KIAA1328: variants seen among roughly 807,000 people sequenced by gnomAD.
KIAA1328 encodes protein hinderin.
KIAA1328 carries 52 observed loss-of-function variants against 68.1 expected under a neutral mutation model. The ratio of observed to expected loss-of-function variants is 0.76; its 90% CI spans 0.61 to 0.96. The LOEUF (loss-of-function observed/expected upper bound fraction) is 0.96, where lower values mean the gene tolerates loss of function less well. Ranked by LOEUF, KIAA1328 falls within the 40% of genes least tolerant of loss-of-function variation. KIAA1328 has a pLI of 0.00. For missense variants in KIAA1328, 641 were observed against 677.6 expected, an observed-to-expected ratio of 0.95 and a Z score of 0.60; for synonymous variants, 232 against 239.4, an observed-to-expected ratio of 0.97 and a Z score of 0.28.
intron 6 of KIAA1328, among the ~76,000 whole-genome samples, chr18:36,970,587 A>T (rs976019082): frequency 1.3e-5 from 2 of 152,230 alleles, no homozygotes; most frequent in African/African-American, 4.8e-5. Context: ...CCTTAAGCTG[A>T]TAAGCAACTT....
intron 6 of KIAA1328, among the ~76,000 whole-genome samples, chr18:37,015,215 A>G (rs1415030955): frequency 1.3e-5 from 2 of 152,168 alleles, no homozygotes; most frequent in Admixed American, 6.5e-5. Context: ...GTTCTTCTCC[A>G]TATGGCTAGT....
chr18:37,165,909 A>G (rs1324559940), intron 8 of KIAA1328, among the ~76,000 whole-genome samples: 1 of 152,138 alleles, frequency 6.6e-6, no homozygotes, highest in Admixed American at 6.5e-5. Flanking sequence ...TAGTTTGCTG[A>G]AAGTCTTTGT....
intron 5 of KIAA1328, among the ~76,000 whole-genome samples, chr18:36,940,674 C>CTTT (rs1272164052): frequency 4.7e-5 from 6 of 127,692 alleles, no homozygotes; most frequent in African/African-American, 1.1e-4. Flanking sequence ...GCTCATTTTA[C>CTTT]TTTTTTTTTT....
intron 5 of KIAA1328, among the ~76,000 whole-genome samples, chr18:36,936,900 A>T (rs557845068): frequency 1.3e-5 from 2 of 152,238 alleles, no homozygotes; most frequent in Admixed American, 6.5e-5. Context: ...TATAGCCAAG[A>T]TAATCCTAAG....
At chr18:37,113,115 C>T (rs2057986326) in intron 7 of KIAA1328, among the ~76,000 whole-genome samples, 2 of 152,148 alleles carry the variant, frequency 1.3e-5, no homozygotes, top group African/African-American at 4.8e-5. Flanking sequence ...ACTTCCCCAA[C>T]CTAGCAAGGC....
At chr18:37,068,204 C>T (rs891180380) in intron 7 of KIAA1328, among the ~76,000 whole-genome samples, 29 of 152,080 alleles carry the variant, frequency 1.9e-4, no homozygotes, top group African/African-American at 7.0e-4. Context: ...CTTGAGATTT[C>T]GGGGTGTGGA....
chr18:36,864,753 A>C (rs1346832686), intron 4 of KIAA1328, among the ~76,000 whole-genome samples: 1 of 152,040 alleles, frequency 6.6e-6, no homozygotes, highest in Non-Finnish European at 1.5e-5. Context: ...TTAGAGAGTT[A>C]ATATAACTTT....
At chr18:37,218,496 C>CA (rs1042592199) in intron 9 of KIAA1328, among the ~76,000 whole-genome samples, 1 of 151,808 alleles carries the variant, frequency 6.6e-6, no homozygotes, top group Non-Finnish European at 1.5e-5. Context: ...ATTAAGGAGA[C>CA]AAAAAAAGGA....
chr18:37,001,674 C>T (rs2053590040), intron 6 of KIAA1328, among the ~76,000 whole-genome samples: 1 of 151,904 alleles, frequency 6.6e-6, no homozygotes, highest in African/African-American at 2.4e-5. Context: ...CATGAGATTA[C>T]ACAAGGGATG....
intron 6 of KIAA1328, among the ~76,000 whole-genome samples, chr18:36,971,409 C>T (rs2052204036): frequency 1.3e-5 from 2 of 152,112 alleles, no homozygotes; most frequent in Admixed American, 6.5e-5. Context: ...GTCAGTGGAT[C>T]ACCTGAGGTT....
chr18:37,095,224 C>T (rs1378927139), intron 7 of KIAA1328, among the ~76,000 whole-genome samples: 1 of 152,132 alleles, frequency 6.6e-6, no homozygotes, highest in Non-Finnish European at 1.5e-5. Flanking sequence ...CACTATAAAC[C>T]ATATGGACAT....
At chr18:37,177,056 A>G (rs1338907038) in intron 9 of KIAA1328, among the ~76,000 whole-genome samples, 1 of 152,248 alleles carries the variant, frequency 6.6e-6, no homozygotes, top group East Asian at 1.9e-4. Flanking sequence ...TACTTGATGT[A>G]TGCCAATTTA....
chr18:36,961,995 C>A (rs1437520726), intron 6 of KIAA1328, among the ~76,000 whole-genome samples: 1 of 152,102 alleles, frequency 6.6e-6, no homozygotes, highest in Non-Finnish European at 1.5e-5. Context: ...GGGCTAAATG[C>A]CCCAGTTAAA....
chr18:36,833,890 A>C (rs1357356633), intron 1 of KIAA1328, among the ~76,000 whole-genome samples: 1 of 152,164 alleles, frequency 6.6e-6, no homozygotes, highest in African/African-American at 2.4e-5. Flanking sequence ...TTCAAAGCTA[A>C]AGTCTATCTT....
intron 7 of KIAA1328, among the ~76,000 whole-genome samples, chr18:37,096,593 A>G (rs538294093): frequency 3.3e-5 from 5 of 152,194 alleles, no homozygotes; most frequent in Non-Finnish European, 7.3e-5. Context: ...GTATATACCC[A>G]GTAATGGGAT....
intron 9 of KIAA1328, among the ~76,000 whole-genome samples, chr18:37,193,119 G>T (rs532016756): frequency 3.3e-5 from 5 of 152,226 alleles, no homozygotes; most frequent in Admixed American, 6.5e-5. Context: ...AACCTTGATT[G>T]GTGGGCATTG....
At chr18:37,069,967 A>G (rs1045052812) in intron 7 of KIAA1328, among the ~76,000 whole-genome samples, 31 of 152,056 alleles carry the variant, frequency 2.0e-4, no homozygotes, top group African/African-American at 6.3e-4. Flanking sequence ...AGTGCTCTAA[A>G]TTCCCTTCTC....
intron 5 of KIAA1328, among the ~76,000 whole-genome samples, chr18:36,958,991 G>A (rs572053252): frequency 1.3e-5 from 2 of 151,380 alleles, no homozygotes; most frequent in East Asian, 3.9e-4. Context: ...TTTTCAGCTT[G>A]TTTTGTTTTT....
intron 7 of KIAA1328, among the ~76,000 whole-genome samples, chr18:37,091,358 G>C (rs1035433049): frequency 3.9e-5 from 6 of 152,018 alleles, no homozygotes; most frequent in Non-Finnish European, 7.4e-5. Context: ...CTCCTCATTG[G>C]GAAAAAAAGT....
Sources: gnomAD v4.1 joint callset for allele counts (sites outside exome capture counted in the v4.1 genomes callset) on GRCh38, gnomAD v4.1.1 for gene constraint, MANE v1.5 for transcripts, NCBI Gene and HGNC (gene_info 2026-07-23, HGNC 2026-07-21) for gene names.